The following ZSWIM5 variants were observed in gnomAD, a reference collection of about 807,000 sequenced individuals.
ZSWIM5 encodes the protein zinc finger SWIM-type containing 5, also known as zinc finger SWIM domain-containing protein 5.
In ZSWIM5, 55 loss-of-function variants were observed where a neutral mutation model predicts 119.6. The ratio of observed to expected loss-of-function variants is 0.46; its 90% CI spans 0.37 to 0.58. The LOEUF is 0.58. Among genes scored for constraint, ZSWIM5 ranks in the 20% least tolerant of loss-of-function variants. The pLI is 0.00. For synonymous variants in ZSWIM5, 537 were observed against 606.9 expected (o/e 0.88, Z 1.69); for missense variants, 1,193 against 1,512.8 (o/e 0.79, Z 3.51).
rs140128219 is a variant in ZSWIM5, at chr1:45,179,761, C to T, written c.595+25995G>A. On this transcript the variant is annotated intron_variant, in intron 1 of 13. Coordinates refer to ENST00000359600, the MANE Select transcript of ZSWIM5 (RefSeq NM_020883.2). Reference sequence around the variant, plus strand: ...CTCACCAAATATGTCCACACCCTAACATCCAGAACCTGACAAAAGGGACTT... The same window carrying T: ...CTCACCAAATATGTCCACACCCTAATATCCAGAACCTGACAAAAGGGACTT... Among the ~76,000 whole-genome samples the T allele has an allele frequency of 1.8e-3, 271 of 152,266 alleles. 4 individuals are homozygous for T. Among genetic ancestry groups the T allele is most frequent in the Middle Eastern group, 6.8e-3 (2 of 294 alleles).
intron 2 of ZSWIM5, among the ~76,000 whole-genome samples, chr1:45,074,587 G>A (rs1645244887): frequency 6.6e-6 from 1 of 151,604 alleles, no homozygotes; most frequent in Non-Finnish European, 1.5e-5. Flanking sequence ...TTTCATCTCT[G>A]ATTTTATTTA....
chr1:45,161,753 A>C (rs1645864831), intron 1 of ZSWIM5, among the ~76,000 whole-genome samples: 2 of 152,236 alleles, frequency 1.3e-5, no homozygotes, highest in Admixed American at 1.3e-4. Context: ...AATTTCATCA[A>C]GTCAATAAGG....
chr1:45,130,502 G>C (rs1645649698), intron 1 of ZSWIM5, among the ~76,000 whole-genome samples: 1 of 151,862 alleles, frequency 6.6e-6, no homozygotes, highest in Non-Finnish European at 1.5e-5. Context: ...CAACATAACA[G>C]GCCACTAGGG....
chr1:45,020,852 C>G, intron 11 of ZSWIM5, 64 bp from the exon 12 acceptor site: 1 of 1,533,552 alleles, frequency 6.5e-7, no homozygotes, highest in Non-Finnish European at 8.9e-7. Flanking sequence ...CAGCTGACTG[C>G]AATAGATACT....
chr1:45,051,019 C>T (rs1645085337), intron 5 of ZSWIM5, 55 bp downstream of exon 5: 4 of 1,548,526 alleles, frequency 2.6e-6, no homozygotes, highest in African/African-American at 2.7e-5. Flanking sequence ...TAGGGTTTAC[C>T]CTCCCACCTT....
intron 11 of ZSWIM5, among the ~76,000 whole-genome samples, chr1:45,028,369 A>C (rs1320875843): frequency 1.3e-5 from 2 of 152,156 alleles, no homozygotes; most frequent in African/African-American, 2.4e-5. Flanking sequence ...TTCCATCTCT[A>C]CTTTTAATCT....
intron 1 of ZSWIM5, among the ~76,000 whole-genome samples, chr1:45,175,144 G>C (rs549820894): frequency 1.1e-4 from 17 of 152,048 alleles, no homozygotes; most frequent in African/African-American, 3.6e-4. Flanking sequence ...GAAGACTTCA[G>C]GCTAGCTATT....
intron 1 of ZSWIM5, among the ~76,000 whole-genome samples, chr1:45,090,510 G>A (rs1232835161): frequency 3.3e-5 from 5 of 152,048 alleles, no homozygotes; most frequent in Non-Finnish European, 5.9e-5. Context: ...CAGCACTTTC[G>A]GAGACCAAGG....
chr1:45,166,094 C>T (rs1316917113), intron 1 of ZSWIM5, among the ~76,000 whole-genome samples: 1 of 152,144 alleles, frequency 6.6e-6, no homozygotes, highest in Non-Finnish European at 1.5e-5. Context: ...CTGAATCCAG[C>T]AGCACATCAA....
chr1:45,018,974 G>A lies in ZSWIM5; in HGVS notation c.3038C>T (p.Pro1013Leu), dbSNP rs757831548. 10 of 1,614,086 alleles carry A rather than the reference G, an allele frequency of 6.2e-6. No homozygotes were observed. Among genetic ancestry groups the A allele is most frequent in the Non-Finnish European group, 6.8e-6 (8 of 1,180,048 alleles). The stretch of plus-strand genomic sequence containing the variant: ...TGAGGCCAGCTTGAAGGCACGTAGC[G>A]GGTAGCCACGGAGCTCCATGTAGCG... The part of the protein sequence containing the change: ...IARYMELRGY[P>L]LRAFKLASLA... The change falls in exon 14 of 14, where the codon CCG becomes CTG. Residue 1013 changes from proline (P) to leucine (L), a missense_variant. Physicochemically the swap from Pro to Leu is moderately conservative, Grantham distance 98 (BLOSUM62 -3). Around this residue, in one of 2 missense-constraint regions of ZSWIM5, gnomAD observed 961 missense variants for 1,290.0 expected, o/e 0.74. Transcript: ENST00000359600. This position sits in a 1 kb window ranked among gnomAD's most constrained non-coding sequence, Gnocchi z 6.7.
chr1:45,104,724 C>T (rs1645459553), intron 1 of ZSWIM5, among the ~76,000 whole-genome samples: 1 of 152,190 alleles, frequency 6.6e-6, no homozygotes, highest in Non-Finnish European at 1.5e-5. Flanking sequence ...GCTGAGTAAG[C>T]TAGAGGGCCC....
chr1:45,144,084 G>T (rs1378485015), intron 1 of ZSWIM5, among the ~76,000 whole-genome samples: 1 of 152,018 alleles, frequency 6.6e-6, no homozygotes. Context: ...TGATATATAG[G>T]TTTAATGCAA....
At chr1:45,048,618 C>T (rs1645071239) in intron 5 of ZSWIM5, among the ~76,000 whole-genome samples, 1 of 152,042 alleles carries the variant, frequency 6.6e-6, no homozygotes, top group African/African-American at 2.4e-5. Flanking sequence ...AGAAAAGAAG[C>T]TAGCAAGATT....
At chr1:45,091,200 GA>G (rs907143860) in intron 1 of ZSWIM5, among the ~76,000 whole-genome samples, 5 of 152,202 alleles carry the variant, frequency 3.3e-5, no homozygotes, top group Non-Finnish European at 5.9e-5. Context: ...CACAGTGGTT[GA>G]AAACTAGGTG....
At chr1:45,197,011 C>G (rs1197996841) in intron 1 of ZSWIM5, among the ~76,000 whole-genome samples, 1 of 152,192 alleles carries the variant, frequency 6.6e-6, no homozygotes, top group Non-Finnish European at 1.5e-5. Context: ...ACTTTCATAG[C>G]TGACTATTCC....
intron 1 of ZSWIM5, among the ~76,000 whole-genome samples, chr1:45,141,355 G>A (rs1645725648): frequency 6.6e-6 from 1 of 152,142 alleles, no homozygotes; most frequent in Admixed American, 6.6e-5. Flanking sequence ...GAAAAGGGAA[G>A]CCTCAGGGAA....
chr1:45,048,030 G>GTTCTTTCTTTCT (rs1409738064), intron 5 of ZSWIM5, among the ~76,000 whole-genome samples: 4 of 89,372 alleles, frequency 4.5e-5, no homozygotes, highest in African/African-American at 1.5e-4. Flanking sequence ...AGTTATTATG[G>GTTCTTTCTTTCT]TTGTTTCTTT....
chr1:45,047,998 G>T (rs1229245683), intron 5 of ZSWIM5, among the ~76,000 whole-genome samples: 1 of 151,556 alleles, frequency 6.6e-6, no homozygotes, highest in African/African-American at 2.4e-5. Context: ...GAAATGAGTG[G>T]TCATAAACTT....
intron 4 of ZSWIM5, among the ~76,000 whole-genome samples, chr1:45,056,624 G>C (rs1645125502): frequency 7.6e-6 from 1 of 131,574 alleles, no homozygotes; most frequent in African/African-American, 2.8e-5. Flanking sequence ...AAAAAAAAAA[G>C]ATATTAGAGC....
Sources: allele counts gnomAD v4.1 joint callset (sites outside exome capture counted in the v4.1 genomes callset), GRCh38; gene constraint gnomAD v4.1.1; regional missense constraint gnomAD v4.1.1; non-coding constraint Gnocchi (gnomAD v3.1); transcripts MANE v1.5; gene names NCBI Gene and HGNC (gene_info 2026-07-23, HGNC 2026-07-21).